The following CPA6 variants were observed in gnomAD, a reference collection of about 807,000 sequenced individuals.
CPA6 encodes the protein carboxypeptidase B.
Under a neutral mutation model 63.3 loss-of-function variants are expected in CPA6, and 58 were observed. That is an observed-to-expected ratio of 0.92 (90% confidence interval 0.74 to 1.14). The LOEUF is 1.14. Ranked by LOEUF, CPA6 falls within the 50% of genes most tolerant of loss-of-function variation. The probability of loss-of-function intolerance (pLI) is 0.00; values close to 1 mark genes in which losing one functional copy is unlikely to be tolerated. For synonymous variants in CPA6, 185 were observed against 179.0 expected (o/e 1.03, Z -0.27); for missense variants, 565 against 526.6 (o/e 1.07, Z -0.71).
At chr8:67,586,185 G>A (rs1050329716) in intron 2 of CPA6, among the ~76,000 whole-genome samples, 6 of 152,102 alleles carry the variant, frequency 3.9e-5, no homozygotes, top group African/African-American at 1.4e-4. Context: ...GATAGCATGA[G>A]GAAAGGGTAG....
At chr8:67,552,569 C>G (rs558627844) in intron 2 of CPA6, among the ~76,000 whole-genome samples, 178 of 151,870 alleles carry the variant, frequency 1.2e-3, no homozygotes, top group African/African-American at 3.5e-3. Flanking sequence ...ATCAGGAGAT[C>G]AAGACCATCC....
At chr8:67,613,055 T>G (rs1814850969) in intron 2 of CPA6, among the ~76,000 whole-genome samples, 1 of 152,210 alleles carries the variant, frequency 6.6e-6, no homozygotes, top group African/African-American at 2.4e-5. Context: ...AGACTGCAGA[T>G]CTCAAAGATA....
chr8:67,449,845 T>G (rs1158973709), intron 8 of CPA6, among the ~76,000 whole-genome samples: 1 of 132,480 alleles, frequency 7.5e-6, no homozygotes, highest in African/African-American at 2.9e-5. Context: ...AGAGTCTTGC[T>G]CTATCCCCCA....
intron 1 of CPA6, among the ~76,000 whole-genome samples, chr8:67,745,642 A>G (rs1264444967): frequency 2.6e-5 from 4 of 152,126 alleles, no homozygotes; most frequent in Non-Finnish European, 5.9e-5. Context: ...CCTACATACA[A>G]TTGTAAAGAA....
chr8:67,696,696 A>C (rs1021028649), intron 1 of CPA6, among the ~76,000 whole-genome samples: 1 of 151,558 alleles, frequency 6.6e-6, no homozygotes, highest in African/African-American at 2.4e-5. Context: ...GGGATTGAAC[A>C]AGCTACAAAT....
intron 2 of CPA6, among the ~76,000 whole-genome samples, chr8:67,600,233 CGTTAT>C (rs2128983047): frequency 6.6e-6 from 1 of 151,492 alleles, no homozygotes; most frequent in South Asian, 2.1e-4. Flanking sequence ...TCCTGGAGGA[CGTTAT>C]ATTAAGTGAA....
At chr8:67,523,782 C>T (rs1376564264) in intron 2 of CPA6, among the ~76,000 whole-genome samples, 1 of 152,180 alleles carries the variant, frequency 6.6e-6, no homozygotes, top group Admixed American at 6.5e-5. Flanking sequence ...ATGGGGCTCT[C>T]AGTGTCCTCC....
intron 3 of CPA6, among the ~76,000 whole-genome samples, chr8:67,512,189 G>A (rs1241708501): frequency 6.6e-6 from 1 of 152,200 alleles, no homozygotes; most frequent in East Asian, 1.9e-4. Context: ...GAGATTCTAA[G>A]TCCAGGGTCA....
intron 8 of CPA6, among the ~76,000 whole-genome samples, chr8:67,435,169 C>CA (rs1398925404): frequency 3.9e-4 from 59 of 152,290 alleles, no homozygotes; most frequent in African/African-American, 1.3e-3. Context: ...GCACAGTGGG[C>CA]CATGGAAGAA....
At chr8:67,712,750 C>G (rs145979337) in intron 1 of CPA6, among the ~76,000 whole-genome samples, 1 of 152,070 alleles carries the variant, frequency 6.6e-6, no homozygotes, top group African/African-American at 2.4e-5. Context: ...AATAAACCAT[C>G]CCTAAGTTTT....
At chr8:67,483,193 C>G (rs1425711850) in intron 8 of CPA6, 1 of 152,542 alleles carries the variant, frequency 6.6e-6, no homozygotes, top group East Asian at 1.9e-4. Flanking sequence ...TCATTTCTCC[C>G]TGACACTTCC....
intron 2 of CPA6, among the ~76,000 whole-genome samples, chr8:67,613,836 C>G (rs892393417): frequency 3.3e-5 from 5 of 152,102 alleles, no homozygotes; most frequent in African/African-American, 1.2e-4. Context: ...ACCCTGAACA[C>G]CAGGCTTCAG....
intron 3 of CPA6, among the ~76,000 whole-genome samples, chr8:67,516,351 T>C (rs1220697043): frequency 6.6e-6 from 1 of 152,214 alleles, no homozygotes; most frequent in Non-Finnish European, 1.5e-5. Context: ...TGAGGTATCC[T>C]TCCTACTGTT....
intron 5 of CPA6, among the ~76,000 whole-genome samples, chr8:67,507,498 C>T (rs1365216351): frequency 6.6e-6 from 1 of 152,086 alleles, no homozygotes; most frequent in Non-Finnish European, 1.5e-5. Context: ...AACCTGGTTG[C>T]TAACCGAGAA....
chr8:67,733,196 CAAAAAAAAAAAAA>C (rs1211323183), intron 1 of CPA6, among the ~76,000 whole-genome samples: 1 of 14,896 alleles, frequency 6.7e-5, no homozygotes. Context: ...GACTCCATCT[CAAAAAAAAAAAAA>C]AAAAAAAAAA....
In CPA6 at chr8:67,608,659, C is replaced by T. The variant is rs530404645; in HGVS notation, c.192+15517G>A. ...TCCACTGAGTTGGTTAACACTTAGC[C>T]ATCCATGGATGGCAAAGCTAAAGGA... On this transcript the variant is annotated intron_variant, in intron 2 of 10. Transcript: ENST00000297770. 2.0e-4 allele frequency among the ~76,000 whole-genome samples: 31 copies of T among 152,320 alleles called. No individual in the cohort carries two copies. The South Asian group carries it at 6.2e-3, about 31-fold the overall frequency.
intron 8 of CPA6, among the ~76,000 whole-genome samples, chr8:67,462,143 C>G (rs1364648899): frequency 6.6e-6 from 1 of 151,832 alleles, no homozygotes; most frequent in East Asian, 1.9e-4. Context: ...CAGAAGCAAC[C>G]ATGTTCACTG....
In CPA6 at chr8:67,484,533, TG is replaced by T. The variant is rs1208893760; in HGVS notation, c.747+145del. On this transcript the variant is annotated intron_variant, in intron 7 of 10. Coordinates refer to ENST00000297770, the MANE Select transcript of CPA6 (RefSeq NM_020361.5). ...GAAATCTAATTGTTGGTGCTCTGAT[TG>T]GGGAAAGAGTGAAGGCCTCTTTTGC... 26 of 513,794 alleles carry T rather than the reference TG, an allele frequency of 5.1e-5. No homozygotes were observed. In the South Asian group the frequency reaches 8.6e-4, roughly 17 times the overall value. The allele number at this position is 513,794 out of a possible 1,614,324, so 31.8% of individuals were successfully genotyped here. A position where few individuals can be genotyped will look rare whatever the true frequency, so the allele number is the denominator to read the frequency against.
chr8:67,595,265 C>A (rs1587613363), intron 2 of CPA6, among the ~76,000 whole-genome samples: 1 of 152,140 alleles, frequency 6.6e-6, no homozygotes, highest in Non-Finnish European at 1.5e-5. Context: ...GAGTACCTGG[C>A]CGTGTGAGGT....
Sources: gnomAD v4.1 joint callset for allele counts (sites outside exome capture counted in the v4.1 genomes callset) on GRCh38, gnomAD v4.1.1 for gene constraint, MANE v1.5 for transcripts, NCBI Gene and HGNC (gene_info 2026-07-23, HGNC 2026-07-21) for gene names.